Variants in FGGY observed in about 807,000 individuals in gnomAD.
The protein encoded by FGGY is FGGY carbohydrate kinase domain containing, also known as FGGY carbohydrate kinase domain-containing protein.
Under a neutral mutation model 71.3 loss-of-function variants are expected in FGGY, and 72 were observed. That is an observed-to-expected ratio of 1.01 (90% confidence interval 0.84 to 1.23). FGGY has a LOEUF of 1.23. Among genes scored for constraint, FGGY ranks in the 50% most tolerant of loss-of-function variants. The pLI is 0.00. For missense variants in FGGY, 668 were observed against 682.3 expected (o/e 0.98, Z 0.23); for synonymous variants, 251 against 250.3 (o/e 1.00, Z -0.02).
chr1:59,597,624 G>A (rs1429585180), intron 8 of FGGY, among the ~76,000 whole-genome samples: 4 of 152,272 alleles, frequency 2.6e-5, no homozygotes, highest in South Asian at 2.1e-4. Context: ...GAATGTACCC[G>A]GCACTGTACC....
intron 5 of FGGY, among the ~76,000 whole-genome samples, chr1:59,453,342 C>G (rs994216789): frequency 2.0e-5 from 3 of 152,206 alleles, no homozygotes; most frequent in African/African-American, 7.2e-5. Context: ...ACATCCCTAA[C>G]TTTCCCTTTA....
intron 14 of FGGY, among the ~76,000 whole-genome samples, chr1:59,721,739 CATT>C (rs1307868588): frequency 2.0e-5 from 3 of 152,128 alleles, no homozygotes; most frequent in Non-Finnish European, 4.4e-5. Context: ...AGTATTGATA[CATT>C]ATTATTATTT....
At chr1:59,346,616 A>G (rs2051978643) in intron 4 of FGGY, among the ~76,000 whole-genome samples, 1 of 152,172 alleles carries the variant, frequency 6.6e-6, no homozygotes. Context: ...AGTATTGTAC[A>G]CATTATCTCT....
At chr1:59,308,029 G>C (rs1365074682) in intron 1 of FGGY, among the ~76,000 whole-genome samples, 2 of 152,176 alleles carry the variant, frequency 1.3e-5, no homozygotes, top group Non-Finnish European at 2.9e-5. Context: ...GACTTCCTGT[G>C]TGCTTACCGT....
At chr1:59,694,245 C>T (rs1048919504) in intron 14 of FGGY, among the ~76,000 whole-genome samples, 5 of 151,376 alleles carry the variant, frequency 3.3e-5, no homozygotes, top group Non-Finnish European at 5.9e-5. Context: ...GTTGAGATCA[C>T]GCCACTGCAC....
At position 59,503,230 on chromosome 1, in the gene FGGY, T is replaced by G. The variant is rs191605576; in HGVS notation, c.671-9081T>G. Among the ~76,000 whole-genome samples the G allele has an allele frequency of 3.9e-3, 594 of 152,320 alleles. 7 individuals carry two copies. The highest frequency in any genetic ancestry group is 0.014 in the African/African-American group (568 of 41,562). ...TAATTCTATTACTATAAAATCTAAT[T>G]CTAATACCATTGGTTTGGTGTTAGC... On this transcript the variant is annotated intron_variant, in intron 6 of 15. Transcript: ENST00000303721.
At chr1:59,547,345 A>G (rs1164191699) in intron 7 of FGGY, among the ~76,000 whole-genome samples, 2 of 152,144 alleles carry the variant, frequency 1.3e-5, no homozygotes, top group Non-Finnish European at 2.9e-5. Context: ...GTCCTGAAAG[A>G]GATCTGAGTT....
intron 14 of FGGY, among the ~76,000 whole-genome samples, chr1:59,686,887 A>G (rs1044199651): frequency 6.6e-6 from 1 of 152,238 alleles, no homozygotes; most frequent in African/African-American, 2.4e-5. Flanking sequence ...AAATGAGATG[A>G]TATGCAAGAA....
intron 4 of FGGY, among the ~76,000 whole-genome samples, chr1:59,362,778 A>G (rs541883101): frequency 4.6e-5 from 7 of 152,178 alleles, no homozygotes; most frequent in Admixed American, 1.3e-4. Flanking sequence ...ATTCTGTACT[A>G]TTTATACATT....
intron 1 of FGGY, chr1:59,310,291 T>C (rs1239517206): frequency 6.6e-6 from 1 of 152,164 alleles, no homozygotes; most frequent in Non-Finnish European, 1.5e-5. Flanking sequence ...CTGTAGAAAA[T>C]CATTTCATAG....
chr1:59,444,057 G>A (rs2070638942), intron 5 of FGGY, among the ~76,000 whole-genome samples: 1 of 152,186 alleles, frequency 6.6e-6, no homozygotes. Context: ...CTAGAATGGA[G>A]AAGAGGCTAG....
chr1:59,509,574 C>T (rs1468434979), intron 6 of FGGY, among the ~76,000 whole-genome samples: 1 of 152,146 alleles, frequency 6.6e-6, no homozygotes, highest in East Asian at 1.9e-4. Context: ...GTTCACACCC[C>T]AGCCTATGTT....
In FGGY at chr1:59,545,907, G is replaced by A. The variant is rs566256090; in HGVS notation, c.800-8217G>A. ...TCTTAATGTTTAAAATGCTAGCCTG[G>A]GTTATACCTACTACCTGGTACCTCA... is the stretch of plus-strand genomic sequence containing the variant. On this transcript the variant is annotated intron_variant, in intron 7 of 15. Transcript: ENST00000303721. Among the ~76,000 whole-genome samples the A allele has an allele frequency of 2.6e-5, 4 of 152,258 alleles. No individual in the cohort carries two copies. The East Asian group carries it at 7.7e-4, about 29-fold the overall frequency.
chr1:59,349,776 ATCT>A (rs59157159), intron 4 of FGGY, among the ~76,000 whole-genome samples: 3,543 of 152,250 alleles, frequency 0.023, 130 homozygotes, highest in African/African-American at 0.081. Context: ...CAGTTTTAGC[ATCT>A]TCTTAAAGCC....
At chr1:59,547,896 CATTT>C (rs746792016) in intron 7 of FGGY, among the ~76,000 whole-genome samples, 12 of 152,188 alleles carry the variant, frequency 7.9e-5, no homozygotes, top group Non-Finnish European at 1.5e-4. Flanking sequence ...CACACACATT[CATTT>C]ATTCATTCAT....
rs114577361 is a variant in FGGY, at chr1:59,316,873, G to A, written c.-14-4663G>A. ...ACAGTCCGTGCCCTCATTTCTTTCC[G>A]CCTGACCACCCTCCCCATATCCCTA... is the stretch of plus-strand genomic sequence containing the variant. On this transcript the variant is annotated intron_variant, in intron 1 of 15. Transcript: ENST00000303721. Among the ~76,000 whole-genome samples, 437 of 151,956 alleles carry A rather than the reference G, an allele frequency of 2.9e-3. 1 individual carries two copies. The highest frequency in any genetic ancestry group is 5.0e-3 in the Non-Finnish European group (341 of 67,992).
intron 7 of FGGY, among the ~76,000 whole-genome samples, chr1:59,553,248 C>G (rs1319609895): frequency 6.6e-6 from 1 of 152,190 alleles, no homozygotes; most frequent in African/African-American, 2.4e-5. Flanking sequence ...TTTCCACCCC[C>G]AGCTTTGTGT....
chr1:59,557,348 A>T (rs895982315), intron 8 of FGGY, among the ~76,000 whole-genome samples: 3 of 152,158 alleles, frequency 2.0e-5, no homozygotes, highest in Non-Finnish European at 4.4e-5. Context: ...ATTGAGACAA[A>T]ATTCCCAGGA....
intron 2 of FGGY, among the ~76,000 whole-genome samples, chr1:59,323,373 C>T (rs138096857): frequency 6.1e-4 from 93 of 152,300 alleles, no homozygotes; most frequent in African/African-American, 2.2e-3. Context: ...GGACATCTGT[C>T]GATAGCAATG....
Sources: gnomAD v4.1 joint callset for allele counts (sites outside exome capture counted in the v4.1 genomes callset) on GRCh38, gnomAD v4.1.1 for gene constraint, MANE v1.5 for transcripts, NCBI Gene and HGNC (gene_info 2026-07-23, HGNC 2026-07-21) for gene names.